Variants in CADPS observed in about 807,000 individuals in gnomAD.
CADPS encodes the protein calcium dependent secretion activator.
Under a neutral mutation model 167.3 loss-of-function variants are expected in CADPS, and 57 were observed. That is an observed-to-expected ratio of 0.34 (90% confidence interval 0.28 to 0.42). CADPS has a LOEUF of 0.42. Ranked by LOEUF, CADPS falls within the 20% of genes least tolerant of loss-of-function variation. CADPS has a pLI of 1.00. For missense variants in CADPS, 1,414 were observed against 1,738.1 expected, an observed-to-expected ratio of 0.81 and a Z score of 3.32; for synonymous variants, 676 against 635.3, an observed-to-expected ratio of 1.06 and a Z score of -0.96.
At position 62,420,702 on chromosome 3, in the gene CADPS, T is replaced by G. The variant is rs2051117217; in HGVS notation, c.3777+17402A>C. ...AAAATAAAGACAAAGTGCTGCTTTT[T>G]AAAAGTTAACATGTGTTTTCACCAT... On this transcript the variant is annotated intron_variant, in intron 28 of 29. Coordinates refer to ENST00000383710, the MANE Select transcript of CADPS (RefSeq NM_003716.4). This position sits in a 1 kb window ranked among gnomAD's most constrained non-coding sequence, Gnocchi z 4.1. 6.6e-6 allele frequency among the ~76,000 whole-genome samples: 1 copy of G among 152,180 alleles called. No individual in the cohort carries two copies. The highest frequency in any genetic ancestry group is 1.5e-5 in the Non-Finnish European group (1 of 68,016).
intron 12 of CADPS, chr3:62,536,205 AG>A (rs2074657288): frequency 1.5e-5 from 6 of 387,366 alleles, no homozygotes; most frequent in South Asian, 1.1e-4. Context: ...GCAGCTGAAA[AG>A]GGGGAAGCTA....
rs187515931 is a variant in CADPS, at chr3:62,665,214, T to C, written c.889-2820A>G. ...GGGGTGAGGAATTGATGATTCCTCT[T>C]GAAAATTTGTAATATGTCAACATAA... On this transcript the variant is annotated intron_variant, in intron 3 of 29. Coordinates refer to ENST00000383710, the MANE Select transcript of CADPS (RefSeq NM_003716.4). Among the ~76,000 whole-genome samples the C allele has an allele frequency of 1.9e-3, 288 of 152,314 alleles. 2 individuals are homozygous for C. Among genetic ancestry groups the C allele is most frequent in the Non-Finnish European group, 1.7e-3 (118 of 68,034 alleles).
At chr3:62,594,120 GATTTTTTTT>G (rs1179761971) in intron 6 of CADPS, among the ~76,000 whole-genome samples, 4 of 150,556 alleles carry the variant, frequency 2.7e-5, no homozygotes, top group African/African-American at 4.9e-5. Context: ...TGCTCATTAT[GATTTTTTTT>G]ATTTTTTTTA....
At chr3:62,494,024 A>G (rs2064196203) in intron 18 of CADPS, among the ~76,000 whole-genome samples, 1 of 152,218 alleles carries the variant, frequency 6.6e-6, no homozygotes, top group African/African-American at 2.4e-5. Context: ...AGTAGATTTA[A>G]TTTCATAGAT....
chr3:62,801,885 C>T (rs2093787826), intron 1 of CADPS, among the ~76,000 whole-genome samples: 1 of 152,174 alleles, frequency 6.6e-6, no homozygotes, highest in Non-Finnish European at 1.5e-5. Flanking sequence ...ATCATTGAGC[C>T]TGTCTAGATT....
chr3:62,869,857 C>G (rs930029810), intron 1 of CADPS, among the ~76,000 whole-genome samples: 2 of 152,142 alleles, frequency 1.3e-5, no homozygotes, highest in Non-Finnish European at 2.9e-5. Context: ...CCCCAAATCA[C>G]AGATGCTGGT....
Position 62,421,893 on chromosome 3 carries a change from C to T in CADPS, c.3777+16211G>A, listed in dbSNP as rs929720433. ...AAGCCGAGGGCAGAAAATAGTATTA[C>T]GCCACGAATGTCTTGGATTAATTTT... On this transcript the variant is annotated intron_variant, in intron 28 of 29. Transcript: ENST00000383710. This position sits in a 1 kb window ranked among gnomAD's most constrained non-coding sequence, Gnocchi z 4.7. Among the ~76,000 whole-genome samples, 3 of 152,214 alleles carry T rather than the reference C, an allele frequency of 2.0e-5. No homozygotes were observed. The highest frequency in any genetic ancestry group is 1.9e-4 in the East Asian group (1 of 5,196).
At chr3:62,680,327 T>G (rs1365789060) in intron 3 of CADPS, among the ~76,000 whole-genome samples, 1 of 151,994 alleles carries the variant, frequency 6.6e-6, no homozygotes, top group African/African-American at 2.4e-5. Context: ...GTATGAGGAA[T>G]CAGTGAAACC....
intron 3 of CADPS, among the ~76,000 whole-genome samples, chr3:62,707,623 C>T (rs2151714806): frequency 6.6e-6 from 1 of 152,232 alleles, no homozygotes; most frequent in Admixed American, 6.5e-5. Context: ...ACTGTAGCTA[C>T]TGAGCACTTG....
intron 3 of CADPS, among the ~76,000 whole-genome samples, chr3:62,674,608 A>T (rs2076060989): frequency 6.6e-6 from 1 of 152,160 alleles, no homozygotes; most frequent in Non-Finnish European, 1.5e-5. Flanking sequence ...TAAGAAGAGG[A>T]GGTGGTATTA....
intron 1 of CADPS, among the ~76,000 whole-genome samples, chr3:62,817,246 C>G (rs1196448122): frequency 6.6e-6 from 1 of 152,126 alleles, no homozygotes; most frequent in Non-Finnish European, 1.5e-5. Flanking sequence ...ACTTCAGAAC[C>G]TCATATCTTG....
chr3:62,464,303 C>T lies in CADPS; in HGVS notation c.3636+1064G>A, dbSNP rs542668660. ...GTTGGATTCCAAGGACAATAATGTG[C>T]CATCCACTACCCTGTGCTGGGCCTT... On this transcript the variant is annotated intron_variant, in intron 26 of 29. Transcript: ENST00000383710. Among the ~76,000 whole-genome samples the T allele has an allele frequency of 2.0e-5, 3 of 152,256 alleles. No homozygotes were observed. In the East Asian group the frequency reaches 5.8e-4, roughly 29 times the overall value.
At chr3:62,742,642 C>A (rs1213783908) in intron 3 of CADPS, among the ~76,000 whole-genome samples, 2 of 152,124 alleles carry the variant, frequency 1.3e-5, no homozygotes, top group African/African-American at 4.8e-5. Flanking sequence ...AGATTAAAGA[C>A]TTAAATATAA....
chr3:62,577,844 T>C (rs1162357598), intron 8 of CADPS, among the ~76,000 whole-genome samples: 1 of 152,190 alleles, frequency 6.6e-6, no homozygotes, highest in Non-Finnish European at 1.5e-5. Flanking sequence ...TTTGATCTAA[T>C]TGGCATTTAG....
chr3:62,430,305 T>G (rs1371757066), intron 28 of CADPS, among the ~76,000 whole-genome samples: 1 of 152,304 alleles, frequency 6.6e-6, no homozygotes, highest in East Asian at 1.9e-4. Flanking sequence ...TACTTGTAAT[T>G]GTGAAGCCCA....
chr3:62,584,929 G>A (rs897909653), intron 8 of CADPS, among the ~76,000 whole-genome samples: 1 of 152,172 alleles, frequency 6.6e-6, no homozygotes, highest in African/African-American at 2.4e-5. Flanking sequence ...ATGCTGCTAG[G>A]AAAGTTTTGA....
At chr3:62,448,309 A>G (rs1195605309) in intron 26 of CADPS, among the ~76,000 whole-genome samples, 1 of 152,180 alleles carries the variant, frequency 6.6e-6, no homozygotes, top group Non-Finnish European at 1.5e-5. Flanking sequence ...ACCTTTAAAC[A>G]CACCATTTAC....
At chr3:62,467,025 G>C (rs544037988) in intron 24 of CADPS, among the ~76,000 whole-genome samples, 5 of 152,078 alleles carry the variant, frequency 3.3e-5, no homozygotes, top group Non-Finnish European at 4.4e-5. Context: ...CCCAGTATGA[G>C]AGCCTACACT....
intron 13 of CADPS, among the ~76,000 whole-genome samples, chr3:62,522,166 G>T (rs911772941): frequency 2.6e-5 from 4 of 151,536 alleles, no homozygotes; most frequent in Non-Finnish European, 5.9e-5. Flanking sequence ...TTGAGACAGG[G>T]TCTCATTCAG....
Sources: allele counts gnomAD v4.1 joint callset (sites outside exome capture counted in the v4.1 genomes callset), GRCh38; gene constraint gnomAD v4.1.1; non-coding constraint Gnocchi (gnomAD v3.1); transcripts MANE v1.5; gene names NCBI Gene and HGNC (gene_info 2026-07-23, HGNC 2026-07-21).